The following NKAIN2 variants were observed in gnomAD, a reference collection of about 807,000 sequenced individuals.
NKAIN2 encodes sodium/potassium-transporting ATPase subunit beta-1-interacting protein 2.
NKAIN2 carries 14 observed loss-of-function variants against 32.6 expected under a neutral mutation model. The observed-to-expected ratio is 0.43, with a 90% confidence interval of 0.28 to 0.67. The LOEUF (loss-of-function observed/expected upper bound fraction) is 0.67, where lower values mean the gene tolerates loss of function less well. Ranked by LOEUF, NKAIN2 falls within the 30% of genes least tolerant of loss-of-function variation. The probability of loss-of-function intolerance (pLI) is 0.17; values close to 1 mark genes in which losing one functional copy is unlikely to be tolerated. For synonymous variants in NKAIN2, 80 were observed against 87.2 expected, an observed-to-expected ratio of 0.92 and a Z score of 0.46; for missense variants, 198 against 258.3, an observed-to-expected ratio of 0.77 and a Z score of 1.60.
At chr6:124,654,236 G>T (rs555545925) in intron 3 of NKAIN2, among the ~76,000 whole-genome samples, 1 of 152,042 alleles carries the variant, frequency 6.6e-6, no homozygotes, top group Non-Finnish European at 1.5e-5. Context: ...GGAAAGAACC[G>T]TGGACAAGAA....
chr6:124,286,248 C>T (rs548712505), intron 2 of NKAIN2, among the ~76,000 whole-genome samples: 1 of 151,956 alleles, frequency 6.6e-6, no homozygotes, highest in South Asian at 2.1e-4. Flanking sequence ...TTTCTTTAAG[C>T]CTTTAATGTT....
At chr6:124,614,057 A>G (rs1782790914) in intron 3 of NKAIN2, among the ~76,000 whole-genome samples, 1 of 152,202 alleles carries the variant, frequency 6.6e-6, no homozygotes, top group Admixed American at 6.5e-5. Context: ...TCATTGAATT[A>G]TGATTTTCCC....
intron 3 of NKAIN2, among the ~76,000 whole-genome samples, chr6:124,623,631 GT>G (rs1783192763): frequency 6.6e-6 from 1 of 152,294 alleles, no homozygotes; most frequent in East Asian, 1.9e-4. Flanking sequence ...CTCAAGCTTT[GT>G]TAAGAACATA....
intron 1 of NKAIN2, among the ~76,000 whole-genome samples, chr6:124,157,847 A>C (rs1788067919): frequency 6.6e-6 from 1 of 152,152 alleles, no homozygotes; most frequent in Admixed American, 6.5e-5. Flanking sequence ...TCTGGTAGTT[A>C]CTATTGTATG....
At chr6:124,786,413 G>A (rs1779509339) in intron 4 of NKAIN2, among the ~76,000 whole-genome samples, 1 of 152,000 alleles carries the variant, frequency 6.6e-6, no homozygotes, top group African/African-American at 2.4e-5. Flanking sequence ...AAACGCTAAG[G>A]TTGCTATATT....
intron 1 of NKAIN2, among the ~76,000 whole-genome samples, chr6:124,038,677 T>C (rs1781719219): frequency 6.6e-6 from 1 of 152,126 alleles, no homozygotes; most frequent in Non-Finnish European, 1.5e-5. Context: ...TACTCCGAAT[T>C]TAGCTTATAG....
intron 1 of NKAIN2, among the ~76,000 whole-genome samples, chr6:124,035,393 CTCTT>C (rs1434333187): frequency 6.6e-6 from 1 of 152,084 alleles, no homozygotes; most frequent in Admixed American, 6.6e-5. Flanking sequence ...CCTTCAATGT[CTCTT>C]TAATTAAACT....
At chr6:124,261,660 G>A (rs1345451299) in intron 1 of NKAIN2, among the ~76,000 whole-genome samples, 1 of 152,136 alleles carries the variant, frequency 6.6e-6, no homozygotes, top group East Asian at 1.9e-4. Context: ...AGGAGTTCGA[G>A]ACTAGTCTGG....
chr6:123,963,835 G>T (rs1312508844), intron 1 of NKAIN2, among the ~76,000 whole-genome samples: 1 of 152,104 alleles, frequency 6.6e-6, no homozygotes, highest in Non-Finnish European at 1.5e-5. Flanking sequence ...TTTTTAGACA[G>T]GTTAAATTTA....
chr6:124,580,643 G>C (rs184523850), intron 3 of NKAIN2, among the ~76,000 whole-genome samples: 2 of 152,158 alleles, frequency 1.3e-5, no homozygotes, highest in Non-Finnish European at 2.9e-5. Flanking sequence ...AATGGCAGGA[G>C]TAAGTCCTTA....
intron 1 of NKAIN2, among the ~76,000 whole-genome samples, chr6:124,273,328 G>T (rs910131887): frequency 3.9e-5 from 6 of 152,064 alleles, no homozygotes; most frequent in African/African-American, 1.4e-4. Context: ...AAGACCTGAT[G>T]GTTTTATAAG....
chr6:124,256,562 T>G (rs548757446), intron 1 of NKAIN2, among the ~76,000 whole-genome samples: 1 of 152,196 alleles, frequency 6.6e-6, no homozygotes, highest in Non-Finnish European at 1.5e-5. Context: ...GTAACATTTC[T>G]TTTTCAGTAG....
chr6:124,371,693 CAAAAA>C (rs10679200), intron 3 of NKAIN2, among the ~76,000 whole-genome samples: 1 of 95,784 alleles, frequency 1.0e-5, no homozygotes, highest in African/African-American at 3.9e-5. Flanking sequence ...GACTCTGTCT[CAAAAA>C]AAAAAAAAAA....
At chr6:124,794,284 C>T (rs189476412) in intron 5 of NKAIN2, among the ~76,000 whole-genome samples, 5 of 152,226 alleles carry the variant, frequency 3.3e-5, no homozygotes, top group Admixed American at 1.3e-4. Flanking sequence ...TGCCCCTCTC[C>T]GACCTGGACA....
chr6:124,207,186 G>T lies in NKAIN2; in HGVS notation c.55-75819G>T, dbSNP rs1047367104. On this transcript the variant is annotated intron_variant, in intron 1 of 6. Coordinates refer to ENST00000368417, the MANE Select transcript of NKAIN2 (RefSeq NM_001040214.3). ...TCACACCTGCTTTCCCAGCTACTTG[G>T]GGGGCTGAGGTGGGAGGATAACTTG... Among the ~76,000 whole-genome samples the T allele has an allele frequency of 4.6e-5, 7 of 151,570 alleles. No individual in the cohort carries two copies. The East Asian group carries it at 7.7e-4, about 17-fold the overall frequency.
chr6:124,175,006 T>C (rs1789085620), intron 1 of NKAIN2, among the ~76,000 whole-genome samples: 1 of 152,186 alleles, frequency 6.6e-6, no homozygotes, highest in African/African-American at 2.4e-5. Context: ...ATGATTCTCC[T>C]TTTACTTTGT....
chr6:124,023,810 T>G (rs1780980908), intron 1 of NKAIN2, among the ~76,000 whole-genome samples: 1 of 152,114 alleles, frequency 6.6e-6, no homozygotes, highest in Non-Finnish European at 1.5e-5. Flanking sequence ...CTACAGGATG[T>G]GAAGGCAAAT....
At chr6:124,768,410 C>T (rs1778603866) in intron 4 of NKAIN2, among the ~76,000 whole-genome samples, 1 of 152,084 alleles carries the variant, frequency 6.6e-6, no homozygotes, top group Non-Finnish European at 1.5e-5. Flanking sequence ...AAGTTCTTAC[C>T]TCTACAGCAA....
intron 3 of NKAIN2, among the ~76,000 whole-genome samples, chr6:124,585,265 G>A (rs549822993): frequency 6.6e-6 from 1 of 152,250 alleles, no homozygotes; most frequent in South Asian, 2.1e-4. Context: ...TGAAACAATT[G>A]CACTCATGGG....
Sources: allele counts gnomAD v4.1 joint callset (sites outside exome capture counted in the v4.1 genomes callset), GRCh38; gene constraint gnomAD v4.1.1; transcripts MANE v1.5; gene names NCBI Gene and HGNC (gene_info 2026-07-23, HGNC 2026-07-21).